Variants in PDK1 observed in about 807,000 individuals in gnomAD.
The protein encoded by PDK1 is pyruvate dehydrogenase kinase 1, also known as [Pyruvate dehydrogenase (acetyl-transferring)] kinase isozyme 1, mitochondrial.
In PDK1, 39 loss-of-function variants were observed where a neutral mutation model predicts 54.2. The observed-to-expected ratio is 0.72, with a 90% confidence interval of 0.56 to 0.94. The LOEUF (loss-of-function observed/expected upper bound fraction) is 0.94, where lower values mean the gene tolerates loss of function less well. PDK1 is among the 40% of genes least tolerant of loss of function. The pLI, the probability that PDK1 is intolerant of heterozygous loss-of-function variation, is 0.00. For missense variants in PDK1, 552 were observed against 566.0 expected, an observed-to-expected ratio of 0.98 and a Z score of 0.25; for synonymous variants, 221 against 207.1, an observed-to-expected ratio of 1.07 and a Z score of -0.58.
At chr2:172,578,808 C>A (rs1010817767) in intron 8 of PDK1, among the ~76,000 whole-genome samples, 1 of 151,370 alleles carries the variant, frequency 6.6e-6, no homozygotes, top group African/African-American at 2.4e-5. Context: ...GAAGTCTCTG[C>A]TCATTTAGCT....
At chr2:172,591,039 G>C (rs1690547029) in intron 9 of PDK1, among the ~76,000 whole-genome samples, 2 of 152,184 alleles carry the variant, frequency 1.3e-5, no homozygotes, top group Admixed American at 6.5e-5. Context: ...CCTCCAGAGG[G>C]GAACTCTTTA....
chr2:172,642,736 C>T, the PDK1 span, among the ~76,000 whole-genome samples: 2 of 152,150 alleles, frequency 1.3e-5, no homozygotes, highest in Non-Finnish European at 2.9e-5. Context: ...GCACTTTGTG[C>T]CAAGGTACTG....
the PDK1 span, among the ~76,000 whole-genome samples, chr2:172,697,193 A>G: frequency 6.6e-6 from 1 of 152,126 alleles, no homozygotes; most frequent in African/African-American, 2.4e-5. Flanking sequence ...TCATTTGCCA[A>G]TTCCAACTGC....
the PDK1 span, among the ~76,000 whole-genome samples, chr2:172,672,333 C>T: frequency 6.6e-6 from 1 of 152,124 alleles, no homozygotes; most frequent in Non-Finnish European, 1.5e-5. Flanking sequence ...CATGAATCAC[C>T]AGTTCTCTAG....
At chr2:172,575,050 AGTTT>A (rs1689502721) in intron 8 of PDK1, among the ~76,000 whole-genome samples, 1 of 152,134 alleles carries the variant, frequency 6.6e-6, no homozygotes, top group Non-Finnish European at 1.5e-5. Context: ...CTGTATTCTT[AGTTT>A]GAGTGTTTTT....
the PDK1 span, among the ~76,000 whole-genome samples, chr2:172,633,284 G>C: frequency 6.6e-6 from 1 of 151,416 alleles, no homozygotes; most frequent in African/African-American, 2.4e-5. Flanking sequence ...CTGGTCTCAA[G>C]TGATCCTCCT....
At chr2:172,562,862 T>A in intron 3 of PDK1, 1 of 1,503,044 alleles carries the variant, frequency 6.7e-7, no homozygotes, top group Admixed American at 1.8e-5. Flanking sequence ...AGTATTTGCC[T>A]TATGCAGCTA....
In PDK1 at chr2:172,595,976, T is replaced by G. The variant is rs778851071; in HGVS notation, c.*7T>G. On this transcript the variant is annotated 3_prime_UTR_variant, in exon 11 of 11. Coordinates refer to ENST00000282077, the MANE Select transcript of PDK1 (RefSeq NM_002610.5). ...GACGTTCCGCAGTGCCTAGACACAC[T>G]TGGGACATCGGAAAATCCAAATGTG... 1 of 1,603,238 alleles carries G rather than the reference T, an allele frequency of 6.2e-7. No homozygotes were observed. The highest frequency in any genetic ancestry group is 8.5e-7 in the Non-Finnish European group (1 of 1,173,388).
chr2:172,651,762 A>T, the PDK1 span, among the ~76,000 whole-genome samples: 1 of 152,204 alleles, frequency 6.6e-6, no homozygotes, highest in African/African-American at 2.4e-5. Flanking sequence ...CCCAAGACTA[A>T]ACCAGGAAGA....
chr2:172,637,063 T>C, the PDK1 span, among the ~76,000 whole-genome samples: 4 of 152,282 alleles, frequency 2.6e-5, no homozygotes, highest in African/African-American at 7.2e-5. Flanking sequence ...TTTATGTTAT[T>C]GCAGGATTTC....
In PDK1 at chr2:172,586,396, A is replaced by G. The variant is rs1406719042; in HGVS notation, c.1056+8A>G. 2.0e-6 allele frequency: 3 copies of G among 1,518,006 alleles called. No individual in the cohort carries two copies. Among genetic ancestry groups the G allele is most frequent in the Non-Finnish European group, 2.7e-6 (3 of 1,092,878 alleles). 94.0% of individuals were successfully genotyped at this position (1,518,006 alleles called of 1,614,324 possible). A position where few individuals can be genotyped will look rare whatever the true frequency, so the allele number is the denominator to read the frequency against. ...TCCCGCGCAGTGCCTCTGGTATGTT[A>G]TCAAGAAATAATGAAGTGTGTTTCT... On this transcript the variant is annotated splice_region_variant and intron_variant, in intron 9 of 10. Transcript: ENST00000282077.
At chr2:172,689,655 T>C in the PDK1 span, among the ~76,000 whole-genome samples, 1 of 152,040 alleles carries the variant, frequency 6.6e-6, no homozygotes, top group Non-Finnish European at 1.5e-5. Flanking sequence ...AACAGAGATA[T>C]AGACCAATGG....
chr2:172,576,868 G>C (rs2149250670), intron 8 of PDK1, among the ~76,000 whole-genome samples: 1 of 152,282 alleles, frequency 6.6e-6, no homozygotes, highest in South Asian at 2.1e-4. Flanking sequence ...TTGTTTTACA[G>C]CCTAACATAG....
chr2:172,691,612 G>T, the PDK1 span, among the ~76,000 whole-genome samples: 2 of 152,220 alleles, frequency 1.3e-5, no homozygotes, highest in East Asian at 3.9e-4. Flanking sequence ...TGATCGTTTT[G>T]CTATCTTCAT....
chr2:172,582,897 C>G (rs958944485), intron 8 of PDK1, among the ~76,000 whole-genome samples: 1 of 152,240 alleles, frequency 6.6e-6, no homozygotes, highest in African/African-American at 2.4e-5. Context: ...CACATCCTCT[C>G]TGTCCTGTCT....
the PDK1 span, among the ~76,000 whole-genome samples, chr2:172,664,977 A>G: frequency 6.6e-6 from 1 of 152,094 alleles, no homozygotes; most frequent in Admixed American, 6.6e-5. Context: ...TTTTGGTTTA[A>G]TGGCATCATC....
At chr2:172,701,113 C>G in the PDK1 span, among the ~76,000 whole-genome samples, 1 of 152,148 alleles carries the variant, frequency 6.6e-6, no homozygotes, top group East Asian at 1.9e-4. Context: ...AATAGATGCA[C>G]ATGGTGTTAG....
intron 3 of PDK1, chr2:172,564,177 C>T (rs1688811793): frequency 2.1e-6 from 1 of 480,192 alleles, no homozygotes; most frequent in Admixed American, 2.4e-5. Context: ...GGAATACCAT[C>T]CTCTTAGCCA....
At chr2:172,643,238 ATT>A in the PDK1 span, among the ~76,000 whole-genome samples, 4 of 152,180 alleles carry the variant, frequency 2.6e-5, no homozygotes, top group African/African-American at 9.7e-5. Context: ...ACTGTTAGCT[ATT>A]GCCATGTAGC....
Sources: gnomAD v4.1 joint callset for allele counts (sites outside exome capture counted in the v4.1 genomes callset) on GRCh38, gnomAD v4.1.1 for gene constraint, MANE v1.5 for transcripts, NCBI Gene and HGNC (gene_info 2026-07-23, HGNC 2026-07-21) for gene names.